The following C4orf36 variants were observed in gnomAD, a reference collection of about 807,000 sequenced individuals.
C4orf36 encodes uncharacterized protein C4orf36.
A neutral mutation model predicts 12.2 loss-of-function variants in C4orf36; 11 were observed. The observed-to-expected ratio is 0.90, with a 90% CI of 0.57 to 1.49. The LOEUF (loss-of-function observed/expected upper bound fraction) is 1.49. C4orf36 is among the 40% of genes most tolerant of loss of function. C4orf36 has a pLI of 0.00. For synonymous variants in C4orf36, 54 were observed against 51.3 expected (o/e 1.05, Z -0.22); for missense variants, 137 against 133.9 (o/e 1.02, Z -0.11).
chr4:86,879,345 A>C (rs904734664), intron 4 of C4orf36, among the ~76,000 whole-genome samples: 2 of 152,224 alleles, frequency 1.3e-5, no homozygotes, highest in African/African-American at 4.8e-5. Flanking sequence ...AATATCAACA[A>C]AGTCATAGAA....
the C4orf36 span, among the ~76,000 whole-genome samples, chr4:86,903,183 G>T: frequency 1.3e-5 from 2 of 152,222 alleles, no homozygotes; most frequent in Admixed American, 1.3e-4. Flanking sequence ...AGGAAAGGGA[G>T]ATTTATTGCT....
At chr4:86,890,264 C>T (rs1015591245) in intron 2 of C4orf36, 20 of 385,850 alleles carry the variant, frequency 5.2e-5, no homozygotes, top group Non-Finnish European at 9.0e-5. Context: ...GAACAACTTG[C>T]CCAAGGTCAC....
intron 4 of C4orf36, 199 bp downstream of exon 4, chr4:86,887,559 T>A: frequency 6.0e-6 from 3 of 496,886 alleles, no homozygotes; most frequent in Non-Finnish European, 1.0e-5. Context: ...AGTGCTGTCG[T>A]TTGTGACACA....
the C4orf36 span, chr4:86,914,068 G>T: frequency 1.2e-6 from 2 of 1,610,642 alleles, no homozygotes; most frequent in Non-Finnish European, 1.7e-6. Flanking sequence ...ACTGTGGAGC[G>T]AATTGGCTTT....
chr4:86,917,809 ACTC>A, the C4orf36 span, among the ~76,000 whole-genome samples: 33 of 152,124 alleles, frequency 2.2e-4, no homozygotes, highest in African/African-American at 7.7e-4. Context: ...GAGATAACCT[ACTC>A]CTCCTAGGCT....
chr4:86,878,193 G>A (rs751064194), intron 4 of C4orf36, among the ~76,000 whole-genome samples: 1 of 151,932 alleles, frequency 6.6e-6, no homozygotes, highest in East Asian at 1.9e-4. Flanking sequence ...GCATGGCACC[G>A]ACAGACTGGA....
intron 2 of C4orf36, 44 bp downstream of exon 2, chr4:86,891,412 C>T (rs748125552): frequency 4.5e-6 from 7 of 1,569,900 alleles, no homozygotes; most frequent in Non-Finnish European, 6.1e-6. Flanking sequence ...CTCCCCACCG[C>T]AGTCAATGCT....
At chr4:86,935,413 C>G in the C4orf36 span, 1 of 152,170 alleles carries the variant, frequency 6.6e-6, no homozygotes, top group African/African-American at 2.4e-5. Flanking sequence ...TCGGGGAGAA[C>G]GGGCTAGGGC....
chr4:86,899,262 A>G, the C4orf36 span, among the ~76,000 whole-genome samples: 1 of 152,216 alleles, frequency 6.6e-6, no homozygotes, highest in Non-Finnish European at 1.5e-5. Context: ...ACACCCCTGC[A>G]GTTCATTAGT....
upstream of C4orf36, among the ~76,000 whole-genome samples, chr4:86,894,523 T>G (rs1224129482): frequency 6.6e-6 from 1 of 152,130 alleles, no homozygotes. Context: ...CATGGTAAGT[T>G]CTCTTTTTAT....
upstream of C4orf36, among the ~76,000 whole-genome samples, chr4:86,893,864 TTTTATTTATTTATTTA>T (rs147837409): frequency 2.5e-3 from 346 of 138,356 alleles, 2 homozygotes; most frequent in East Asian, 9.0e-3. Flanking sequence ...TGGCCTGAAT[TTTTATTTATTTATTTA>T]TTTATTTATT....
At chr4:86,901,463 A>C in the C4orf36 span, among the ~76,000 whole-genome samples, 1 of 151,720 alleles carries the variant, frequency 6.6e-6, no homozygotes, top group Non-Finnish European at 1.5e-5. Flanking sequence ...GCTGGAGTCC[A>C]GTGGCGCGAT....
intron 2 of C4orf36, chr4:86,890,090 G>A (rs1359886109): frequency 6.6e-6 from 3 of 454,570 alleles, no homozygotes; most frequent in Middle Eastern, 3.9e-4. Flanking sequence ...TACTCAGGAG[G>A]CTGAGATGGG....
At chr4:86,884,459 C>T (rs550695065) in intron 4 of C4orf36, among the ~76,000 whole-genome samples, 1 of 151,970 alleles carries the variant, frequency 6.6e-6, no homozygotes, top group Non-Finnish European at 1.5e-5. Flanking sequence ...CACACAGCAC[C>T]ATGTTCAGCT....
intron 2 of C4orf36, among the ~76,000 whole-genome samples, chr4:86,889,890 C>G (rs1747327148): frequency 6.6e-6 from 1 of 151,288 alleles, no homozygotes; most frequent in African/African-American, 2.4e-5. Flanking sequence ...GATACCCTGT[C>G]TTGATAAAAA....
chr4:86,887,809 A>C lies in C4orf36; in HGVS notation c.305T>G (p.Leu102Arg). 1.2e-6 allele frequency: 2 copies of C among 1,614,254 alleles called. No homozygotes were observed. The highest frequency in any genetic ancestry group is 2.2e-5 in the South Asian group (2 of 91,090). Residue 102 changes from leucine (L) to arginine (R), a missense_variant, in exon 4 of 5, where the codon CTC becomes CGC. By Grantham distance (102) the Leu-to-Arg change is moderately radical. Transcript: ENST00000295898. Reference sequence around the variant, plus strand: ...CAAACCGGCTGGCCTTTCCCTCAGGAGAAGCTGAATTTCCTTAGATGTATT... The same window carrying C: ...CAAACCGGCTGGCCTTTCCCTCAGGCGAAGCTGAATTTCCTTAGATGTATT... ...QENTSKEIQL[L>R]LRERPAGLRR...
chr4:86,928,411 C>T, the C4orf36 span, among the ~76,000 whole-genome samples: 2 of 152,180 alleles, frequency 1.3e-5, no homozygotes, highest in South Asian at 4.1e-4. Context: ...TCTCTTCCTG[C>T]CCTTCTATCT....
At chr4:86,888,073 T>C in intron 3 of C4orf36, 48 bp downstream of exon 3, 3 of 1,591,880 alleles carry the variant, frequency 1.9e-6, no homozygotes, top group Non-Finnish European at 2.6e-6. Context: ...GATAAGCAAA[T>C]GGCACACTGA....
chr4:86,890,804 GGCAATGT>G (rs965289682), intron 2 of C4orf36, among the ~76,000 whole-genome samples: 1 of 152,186 alleles, frequency 6.6e-6, no homozygotes, highest in Non-Finnish European at 1.5e-5. Context: ...CTGGATGACA[GGCAATGT>G]GCAAGTACTT....
Sources: gnomAD v4.1 joint callset for allele counts (sites outside exome capture counted in the v4.1 genomes callset) on GRCh38, gnomAD v4.1.1 for gene constraint, MANE v1.5 for transcripts, NCBI Gene and HGNC (gene_info 2026-07-23, HGNC 2026-07-21) for gene names.